The following RNF111 variants were observed in gnomAD, a reference collection of about 807,000 sequenced individuals.
RNF111 encodes E3 ubiquitin-protein ligase Arkadia.
A neutral mutation model predicts 95.1 loss-of-function variants in RNF111; 17 were observed. The ratio of observed to expected loss-of-function variants is 0.18; its 90% confidence interval spans 0.12 to 0.27. The LOEUF (loss-of-function observed/expected upper bound fraction) is 0.27. Ranked by LOEUF, RNF111 falls within the 10% of genes least tolerant of loss-of-function variation. RNF111 has a pLI of 1.00. For missense variants in RNF111, 1,189 were observed against 1,210.4 expected, an observed-to-expected ratio of 0.98 and a Z score of 0.26; for synonymous variants, 440 against 414.8, an observed-to-expected ratio of 1.06 and a Z score of -0.74.
intron 3 of RNF111, among the ~76,000 whole-genome samples, chr15:59,055,298 C>G (rs557843843): frequency 6.6e-6 from 1 of 152,202 alleles, no homozygotes; most frequent in South Asian, 2.1e-4. Flanking sequence ...CTGAGCTAAA[C>G]ATACAAGACC....
intron 7 of RNF111, among the ~76,000 whole-genome samples, chr15:59,077,378 G>A (rs1223015410): frequency 6.6e-6 from 1 of 152,122 alleles, no homozygotes; most frequent in African/African-American, 2.4e-5. Context: ...AGACTGTGCA[G>A]TCATATAAAA....
intron 1 of RNF111, among the ~76,000 whole-genome samples, chr15:59,003,537 T>C (rs2039416211): frequency 6.6e-6 from 1 of 152,068 alleles, no homozygotes. Context: ...TAGCTGGGAC[T>C]ACAGGTGCGT....
intron 1 of RNF111, among the ~76,000 whole-genome samples, chr15:59,015,772 T>C (rs1272254944): frequency 6.6e-6 from 1 of 152,216 alleles, no homozygotes; most frequent in Non-Finnish European, 1.5e-5. Context: ...TGACTTTCTT[T>C]ATGAAGCCAT....
At chr15:59,059,592 T>G (rs184455984) in intron 5 of RNF111, among the ~76,000 whole-genome samples, 1 of 152,326 alleles carries the variant, frequency 6.6e-6, no homozygotes, top group East Asian at 1.9e-4. Flanking sequence ...TGGTTATGGT[T>G]TGGTCTGTTG....
chr15:59,043,742 G>A (rs559445048), intron 2 of RNF111, among the ~76,000 whole-genome samples: 2 of 152,292 alleles, frequency 1.3e-5, no homozygotes, highest in South Asian at 2.1e-4. Context: ...TATACCTTCA[G>A]TAACTTTAAT....
rs531809748 is a variant in RNF111, at chr15:59,005,308, T to C, written c.-20+17240T>C. Reference sequence around the variant, plus strand: ...TGCTGGGATTACAGGCACGAGCCACTGCACCCAGCCTCTAGAACATAGGCT... The same window carrying C: ...TGCTGGGATTACAGGCACGAGCCACCGCACCCAGCCTCTAGAACATAGGCT... On this transcript the variant is annotated intron_variant, in intron 1 of 13. Coordinates refer to ENST00000348370, the MANE Select transcript of RNF111 (RefSeq NM_017610.8). 2.3e-3 allele frequency among the ~76,000 whole-genome samples: 347 copies of C among 151,126 alleles called. 2 individuals carry two copies. Among genetic ancestry groups the C allele is most frequent in the African/African-American group, 7.7e-3 (319 of 41,490 alleles).
chr15:59,052,776 T>C (rs1037751904), intron 3 of RNF111, among the ~76,000 whole-genome samples: 2 of 152,020 alleles, frequency 1.3e-5, no homozygotes. Flanking sequence ...AATAAAGCTA[T>C]ATTGTTGCCC....
intron 13 of RNF111, chr15:59,093,337 C>CTTTTTTTTTTTTTTTTTTTTTTTT: frequency 3.7e-6 from 1 of 272,050 alleles, no homozygotes; most frequent in Non-Finnish European, 6.7e-6. Flanking sequence ...TTTACAGCAT[C>CTTTTTTTTTTTTTTTTTTTTTTTT]TTTTTTTTTT....
At chr15:59,071,158 C>A (rs1273307886) in intron 6 of RNF111, among the ~76,000 whole-genome samples, 1 of 151,754 alleles carries the variant, frequency 6.6e-6, no homozygotes, top group Non-Finnish European at 1.5e-5. Flanking sequence ...AGTAGCCGGG[C>A]GTGGTGGTGG....
rs552046770 is a variant in RNF111, at chr15:59,011,601, A to G, written c.-19-19203A>G. Among the ~76,000 whole-genome samples the G allele has an allele frequency of 6.6e-5, 10 of 152,308 alleles. No individual in the cohort carries two copies. In the East Asian group the frequency reaches 1.7e-3, roughly 26 times the overall value. ...TTCCTGAGGCCCCTCTTCTTGGTTT[A>G]TAAATGATCGCTTGCTGTGTTCTCA... On this transcript the variant is annotated intron_variant, in intron 1 of 13. Transcript: ENST00000348370.
At chr15:59,042,770 G>T (rs1049406541) in intron 2 of RNF111, among the ~76,000 whole-genome samples, 1 of 152,096 alleles carries the variant, frequency 6.6e-6, no homozygotes, top group African/African-American at 2.4e-5. Context: ...TTTTTACTCC[G>T]TCTTATTGCT....
chr15:58,996,649 C>CTTTTTTTTTT lies in RNF111; in HGVS notation c.-20+8601_-20+8610dup, dbSNP rs60350601. Among the ~76,000 whole-genome samples, 153 of 100,740 alleles carry CTTTTTTTTTT rather than the reference C, an allele frequency of 1.5e-3. 3 individuals carry two copies. Among genetic ancestry groups the CTTTTTTTTTT allele is most frequent in the African/African-American group, 2.1e-3 (55 of 25,632 alleles). The allele number at this position is 100,740 out of a possible 152,430, so 66.1% of individuals were successfully genotyped here. A position where few individuals can be genotyped will look rare whatever the true frequency, so the allele number is the denominator to read the frequency against. On this transcript the variant is annotated intron_variant, in intron 1 of 13. Coordinates refer to ENST00000348370, the MANE Select transcript of RNF111 (RefSeq NM_017610.8). The stretch of plus-strand genomic sequence containing the variant: ...GTGATTGAAAACTCATCAGTACTTT[C>CTTTTTTTTTT]TTTTTTTTTTTTTTTTTTTTTTTTT...
intron 1 of RNF111, among the ~76,000 whole-genome samples, chr15:59,028,008 G>A (rs148893617): frequency 1.4e-3 from 212 of 152,056 alleles, no homozygotes; most frequent in African/African-American, 4.5e-3. Flanking sequence ...TGTATTTTTA[G>A]TAGAGATGGG....
At chr15:59,093,509 C>A in intron 13 of RNF111, 1 of 377,100 alleles carries the variant, frequency 2.7e-6, no homozygotes, top group South Asian at 1.9e-5. Context: ...CTGCACTCGG[C>A]TATAGCATCT....
chr15:59,027,525 CT>C (rs1453190984), intron 1 of RNF111, among the ~76,000 whole-genome samples: 3 of 150,770 alleles, frequency 2.0e-5, no homozygotes, highest in African/African-American at 7.3e-5. Context: ...AATTCTATAC[CT>C]TTTTTTCTTT....
At chr15:59,021,236 C>G (rs1030242561) in intron 1 of RNF111, among the ~76,000 whole-genome samples, 1 of 152,072 alleles carries the variant, frequency 6.6e-6, no homozygotes, top group Non-Finnish European at 1.5e-5. Context: ...CTGCAAACTC[C>G]GCCTCGTGAG....
At chr15:59,042,605 C>T (rs1289645278) in intron 2 of RNF111, among the ~76,000 whole-genome samples, 1 of 152,040 alleles carries the variant, frequency 6.6e-6, no homozygotes, top group Non-Finnish European at 1.5e-5. Flanking sequence ...GGTGTTTATC[C>T]TTACGTATAA....
At chr15:59,083,525 A>G (rs1672518482) in intron 8 of RNF111, among the ~76,000 whole-genome samples, 1 of 149,734 alleles carries the variant, frequency 6.7e-6, no homozygotes, top group Non-Finnish European at 1.5e-5. Flanking sequence ...ACAGAGCTAG[A>G]CTTCCTCTCC....
At chr15:59,053,237 T>C (rs1316404298) in intron 3 of RNF111, among the ~76,000 whole-genome samples, 1 of 152,172 alleles carries the variant, frequency 6.6e-6, no homozygotes, top group African/African-American at 2.4e-5. Context: ...GGAAAAGACA[T>C]TGCCCTATTG....
Sources: gnomAD v4.1 joint callset for allele counts (sites outside exome capture counted in the v4.1 genomes callset) on GRCh38, gnomAD v4.1.1 for gene constraint, MANE v1.5 for transcripts, NCBI Gene and HGNC (gene_info 2026-07-23, HGNC 2026-07-21) for gene names.